CALCOCO1: variants seen among roughly 807,000 people sequenced by gnomAD.
CALCOCO1 encodes calcium binding and coiled-coil domain 1, also known as calcium-binding and coiled-coil domain-containing protein 1.
A neutral mutation model predicts 86.3 loss-of-function variants in CALCOCO1; 44 were observed. The ratio of observed to expected loss-of-function variants is 0.51; its 90% CI spans 0.40 to 0.66. The LOEUF (loss-of-function observed/expected upper bound fraction) is 0.66. CALCOCO1 is among the 30% of genes least tolerant of loss of function. The pLI is 0.00. For synonymous variants in CALCOCO1, 297 were observed against 327.6 expected (o/e 0.91, Z 1.01); for missense variants, 708 against 851.1 (o/e 0.83, Z 2.09).
chr12:53,727,201 G>GC (rs1463822487), intron 1 of CALCOCO1, among the ~76,000 whole-genome samples: 2 of 152,054 alleles, frequency 1.3e-5, no homozygotes, highest in South Asian at 2.1e-4. Flanking sequence ...ACGAGGGGGC[G>GC]CCCCCCACCC....
Position 53,711,122 on chromosome 12 carries a change from T to C in CALCOCO1, c.*822A>G, listed in dbSNP as rs1254661656. Reference sequence around the variant, plus strand: ...CACATTTTGTGACAACAGTCATACATATCATATAAATATATTTGTTCAAAC... The same window carrying C: ...CACATTTTGTGACAACAGTCATACACATCATATAAATATATTTGTTCAAAC... On this transcript the variant is annotated 3_prime_UTR_variant, in exon 15 of 15. Transcript: ENST00000550804. 1 of 396,664 alleles carries C rather than the reference T, an allele frequency of 2.5e-6. No homozygotes were observed. Among genetic ancestry groups the C allele is most frequent in the Non-Finnish European group, 4.5e-6 (1 of 224,638 alleles). The allele number at this position is 396,664 out of a possible 1,614,324, so 24.6% of individuals were successfully genotyped here. A position where few individuals can be genotyped will look rare whatever the true frequency, so the allele number is the denominator to read the frequency against.
chr12:53,711,116 CATACATATCAT>C lies in CALCOCO1; in HGVS notation c.*817_*827del, dbSNP rs1484415238. On this transcript the variant is annotated 3_prime_UTR_variant, in exon 15 of 15. Coordinates refer to ENST00000550804, the MANE Select transcript of CALCOCO1 (RefSeq NM_020898.3). ...TAAGAACACATTTTGTGACAACAGT[CATACATATCAT>C]ATAAATATATTTGTTCAAACTACAA... is the stretch of plus-strand genomic sequence containing the variant. 6 of 395,486 alleles carry C rather than the reference CATACATATCAT, an allele frequency of 1.5e-5. No homozygotes were observed. Among genetic ancestry groups the C allele is most frequent in the South Asian group, 2.6e-4 (2 of 7,718 alleles). 24.5% of individuals were successfully genotyped at this position (395,486 alleles called of 1,614,324 possible). A position where few individuals can be genotyped will look rare whatever the true frequency, so the allele number is the denominator to read the frequency against.
intron 7 of CALCOCO1, among the ~76,000 whole-genome samples, chr12:53,719,081 G>A (rs1176983459): frequency 6.6e-6 from 1 of 151,340 alleles, no homozygotes; most frequent in Non-Finnish European, 1.5e-5. Flanking sequence ...CTGACCTCAG[G>A]GGATCCGCCT....
chr12:53,722,772 A>C (rs1285753368), intron 4 of CALCOCO1: 1 of 319,870 alleles, frequency 3.1e-6, no homozygotes, highest in Non-Finnish European at 6.2e-6. Context: ...CAAGCTTCTT[A>C]ACTTCTCTAA....
Position 53,725,111 on chromosome 12 carries a change from G to A in CALCOCO1, c.132C>T (p.Ala44=). ...YTLPPGTMPS[A]SDWIGIFKVE... ...CCTTGAAGATGCCAATCCAGTCACT[G>A]GCACTGGGCATGGTGCCTGGGGGAA... Residue 44 remains alanine, a synonymous_variant, in exon 2 of 15, where the codon GCC becomes GCT. Transcript: ENST00000550804. 1 of 1,608,232 alleles carries A rather than the reference G, an allele frequency of 6.2e-7. No homozygotes were observed. Among genetic ancestry groups the A allele is most frequent in the Admixed American group, 1.7e-5 (1 of 58,898 alleles).
chr12:53,712,189 G>C, intron 14 of CALCOCO1, 68 bp from the exon 15 acceptor site: 1 of 1,411,278 alleles, frequency 7.1e-7, no homozygotes, highest in Non-Finnish European at 9.6e-7. Flanking sequence ...TGCAGACTTC[G>C]GAGAGCAGGA....
In CALCOCO1 at chr12:53,715,852, A is replaced by G. The variant is rs1362987921; in HGVS notation, c.1201T>C (p.Leu401=). 1 of 1,613,916 alleles carries G rather than the reference A, an allele frequency of 6.2e-7. No individual in the cohort carries two copies. Among genetic ancestry groups the G allele is most frequent in the Non-Finnish European group, 8.5e-7 (1 of 1,180,020 alleles). The part of the protein sequence containing the change: ...NGRLAELGLH[L]KEEKCQWSKE... ...CTCCATTGGCATTTTTCTTCCTTCA[A>G]GTGCAAACCGAGCTCAGCCAGCCTG... The change falls in exon 9 of 15, where the codon TTG becomes CTG. Residue 401 remains leucine, a synonymous_variant. Transcript: ENST00000550804.
At chr12:53,723,814 A>G (rs370949235) in intron 3 of CALCOCO1, 31 bp from the exon 4 acceptor site, 1 of 1,596,860 alleles carries the variant, frequency 6.3e-7, no homozygotes, top group African/African-American at 1.3e-5. Context: ...CCAGGACCCC[A>G]ATAATCCACT....
At position 53,708,996 on chromosome 12, in the gene CALCOCO1, T is replaced by G. The variant is rs970081314; in HGVS notation, c.*2948A>C. On this transcript the variant is annotated 3_prime_UTR_variant, in exon 15 of 15. Coordinates refer to ENST00000550804, the MANE Select transcript of CALCOCO1 (RefSeq NM_020898.3). ...ACTGGCACACTAAGCAATCTACATT[T>G]CTCATTCCTGTAGGTAACAGGTGGC... The G allele has an allele frequency of 2.6e-5, 4 of 152,278 alleles. No homozygotes were observed. Among genetic ancestry groups the G allele is most frequent in the Non-Finnish European group, 5.9e-5 (4 of 68,048 alleles). 9.4% of individuals were successfully genotyped at this position (152,278 alleles called of 1,614,324 possible). A position where few individuals can be genotyped will look rare whatever the true frequency, so the allele number is the denominator to read the frequency against.
intron 1 of CALCOCO1, chr12:53,725,884 A>C (rs1946016066): frequency 6.6e-6 from 1 of 152,220 alleles, no homozygotes; most frequent in African/African-American, 2.4e-5. Flanking sequence ...ACCCCCATGA[A>C]TTCTAGGGAA....
chr12:53,727,195 G>GGGGGCGCCCCC (rs1299635590), intron 1 of CALCOCO1, among the ~76,000 whole-genome samples: 4 of 152,134 alleles, frequency 2.6e-5, no homozygotes, highest in East Asian at 3.9e-4. Flanking sequence ...AGGACGACGA[G>GGGGGCGCCCCC]GGGGCGCCCC....
rs1945515103 is a variant in CALCOCO1, at chr12:53,709,730, C to T, written c.*2214G>A. Reference sequence around the variant, plus strand: ...TGGCCTTGTGCAGCTAGCCATGTGGCTCCTGTGGGTGTATGTGCGGCTTGG... The same window carrying T: ...TGGCCTTGTGCAGCTAGCCATGTGGTTCCTGTGGGTGTATGTGCGGCTTGG... On this transcript the variant is annotated 3_prime_UTR_variant, in exon 15 of 15. Transcript: ENST00000550804. 6.6e-6 allele frequency: 1 copy of T among 152,618 alleles called. No homozygotes were observed. The highest frequency in any genetic ancestry group is 2.1e-4 in the South Asian group (1 of 4,822). The allele number at this position is 152,618 out of a possible 1,614,324, so 9.5% of individuals were successfully genotyped here.
At chr12:53,722,931 GC>G in intron 4 of CALCOCO1, 1 of 367,602 alleles carries the variant, frequency 2.7e-6, no homozygotes, top group Non-Finnish European at 5.1e-6. Flanking sequence ...GGGTGACAGA[GC>G]AAGGCTGTCT....
At chr12:53,712,230 T>G in intron 14 of CALCOCO1, 109 bp from the exon 15 acceptor site, 1 of 932,654 alleles carries the variant, frequency 1.1e-6, no homozygotes, top group Non-Finnish European at 1.6e-6. Flanking sequence ...GGTTATCCTG[T>G]GCCTAATGCA....
At chr12:53,714,067 G>T in intron 12 of CALCOCO1, 66 bp downstream of exon 12, 1 of 1,421,626 alleles carries the variant, frequency 7.0e-7, no homozygotes, top group Non-Finnish European at 9.8e-7. Flanking sequence ...AAGGTTACAT[G>T]GAGCCTTCCT....
chr12:53,721,735 C>T (rs910290603), intron 5 of CALCOCO1, 120 bp from the exon 6 acceptor site: 24 of 1,258,756 alleles, frequency 1.9e-5, no homozygotes, highest in Middle Eastern at 3.7e-4. Flanking sequence ...ATCACATTGC[C>T]TTCCTTGAAA....
At chr12:53,717,473 C>A (rs578107154) in intron 7 of CALCOCO1, among the ~76,000 whole-genome samples, 1 of 152,348 alleles carries the variant, frequency 6.6e-6, no homozygotes, top group African/African-American at 2.4e-5. Flanking sequence ...TAGGCCTTAT[C>A]TCAAACACTT....
At chr12:53,713,078 T>C in intron 14 of CALCOCO1, 22 bp downstream of exon 14, 4 of 1,603,870 alleles carry the variant, frequency 2.5e-6, no homozygotes. Flanking sequence ...ACCTCCCTCC[T>C]GGCCTTGCTG....
At chr12:53,712,973 A>G in intron 14 of CALCOCO1, 127 bp downstream of exon 14, 1 of 1,252,058 alleles carries the variant, frequency 8.0e-7, no homozygotes, top group African/African-American at 1.5e-5. Context: ...CCATACCTGT[A>G]TCTCCTTTTC....
Sources: gnomAD v4.1 joint callset for allele counts (sites outside exome capture counted in the v4.1 genomes callset) on GRCh38, gnomAD v4.1.1 for gene constraint, MANE v1.5 for transcripts, NCBI Gene and HGNC (gene_info 2026-07-23, HGNC 2026-07-21) for gene names.